The following ZNF516 variants were observed in gnomAD, a reference collection of about 807,000 sequenced individuals.
The protein encoded by ZNF516 is zinc finger protein 516.
ZNF516 carries 19 observed loss-of-function variants against 79.7 expected under a neutral mutation model. The observed-to-expected ratio is 0.24, with a 90% CI of 0.17 to 0.35. The LOEUF (loss-of-function observed/expected upper bound fraction) is 0.35, where lower values mean the gene tolerates loss of function less well. ZNF516 is among the 10% of genes least tolerant of loss of function. ZNF516 has a pLI of 1.00. For missense variants in ZNF516, 1,678 were observed against 1,679.5 expected, an observed-to-expected ratio of 1.00 and a Z score of 0.02; for synonymous variants, 877 against 739.5, an observed-to-expected ratio of 1.19 and a Z score of -3.02.
At chr18:76,475,111 C>A (rs1171189065) in intron 1 of ZNF516, among the ~76,000 whole-genome samples, 3 of 152,062 alleles carry the variant, frequency 2.0e-5, no homozygotes, top group African/African-American at 7.2e-5. Context: ...ACGGAAGATA[C>A]AAAACAAGTT....
At chr18:76,481,989 T>C (rs1176752188) in intron 1 of ZNF516, among the ~76,000 whole-genome samples, 2 of 152,212 alleles carry the variant, frequency 1.3e-5, no homozygotes, top group Admixed American at 6.5e-5. Flanking sequence ...AAAGCTACAA[T>C]AGCTTTTGCC....
rs762747596 is a variant in ZNF516 at position 76,379,898 on chromosome 18, G to A, written c.2216C>T (p.Ser739Leu). 24 of 1,613,922 alleles carry A rather than the reference G, an allele frequency of 1.5e-5. No individual in the cohort carries two copies. The highest frequency in any genetic ancestry group is 8.9e-5 in the East Asian group (4 of 44,860). The change falls in exon 4 of 7, where the codon TCG becomes TTG. Residue 739 changes from serine (S) to leucine (L), a missense_variant. Physicochemically the swap from Ser to Leu is moderately radical, Grantham distance 145. Transcript: ENST00000443185. ...DLMPLDLSAR[S>L]TRDDPSNKET... ...CTTATTGCTGGGGTCATCCCGCGTC[G>A]ACCTCGCACTTAAATCTAGCGGCAT...
At chr18:76,404,169 A>AG (rs2075269238) in intron 3 of ZNF516, among the ~76,000 whole-genome samples, 1 of 152,240 alleles carries the variant, frequency 6.6e-6, no homozygotes. Context: ...CCCTGGGCAA[A>AG]GGGAAGACCC....
At chr18:76,495,930 C>T (rs1915464808), upstream of ZNF516, 3 of 321,992 alleles carry the variant, frequency 9.3e-6, no homozygotes, top group Admixed American at 5.1e-5. Flanking sequence ...CTTCAAACAG[C>T]GGCTCTGCCA....
chr18:76,365,453 TC>T (rs748749057), intron 6 of ZNF516, among the ~76,000 whole-genome samples: 48 of 152,214 alleles, frequency 3.2e-4, no homozygotes, highest in Non-Finnish European at 6.5e-4. Flanking sequence ...TAAAGAAACT[TC>T]CTAGTTTTTC....
chr18:76,448,938 G>T (rs1036707975), intron 2 of ZNF516, among the ~76,000 whole-genome samples: 4 of 152,128 alleles, frequency 2.6e-5, no homozygotes, highest in African/African-American at 7.2e-5. Flanking sequence ...GCAAGGATTG[G>T]CCAGGTTTTC....
rs1911941251 is a variant in ZNF516 at position 76,444,787 on chromosome 18, A to C, written c.-157-1576T>G. The stretch of plus-strand genomic sequence containing the variant: ...TCTGAGCATTTTGTATTAATACTTC[A>C]ACTCCCGAGGGCCCAGATAACAGCA... On this transcript the variant is annotated intron_variant, in intron 2 of 6. Coordinates refer to ENST00000443185, the MANE Select transcript of ZNF516 (RefSeq NM_014643.4). 4.6e-5 allele frequency among the ~76,000 whole-genome samples: 7 copies of C among 152,288 alleles called. No individual in the cohort carries two copies. The South Asian group carries it at 1.4e-3, about 32-fold the overall frequency.
intron 3 of ZNF516, among the ~76,000 whole-genome samples, chr18:76,395,046 A>G (rs968472112): frequency 1.3e-5 from 2 of 152,216 alleles, no homozygotes; most frequent in East Asian, 3.8e-4. Context: ...ATGAGTGAGC[A>G]TTTGGTCATC....
chr18:76,496,333 AT>A, upstream of ZNF516: 5 of 1,289,580 alleles, frequency 3.9e-6, no homozygotes, highest in Non-Finnish European at 5.1e-6. Flanking sequence ...GTGGAGGTGG[AT>A]TCCGTCCAAG....
intron 3 of ZNF516, among the ~76,000 whole-genome samples, chr18:76,422,856 C>T (rs973995006): frequency 4.6e-5 from 7 of 152,184 alleles, no homozygotes; most frequent in Non-Finnish European, 7.3e-5. Context: ...ATAAGAAAAA[C>T]CACCTAAATT....
intron 2 of ZNF516, among the ~76,000 whole-genome samples, chr18:76,450,811 A>G (rs138812289): frequency 5.9e-5 from 9 of 152,322 alleles, no homozygotes; most frequent in African/African-American, 1.7e-4. Flanking sequence ...TTTTAAAATA[A>G]TAACTATGTC....
chr18:76,488,057 A>AC lies in ZNF516; in HGVS notation c.-272+7086dup, dbSNP rs1364072996. On this transcript the variant is annotated intron_variant, in intron 1 of 6. Coordinates refer to ENST00000443185, the MANE Select transcript of ZNF516 (RefSeq NM_014643.4). The stretch of plus-strand genomic sequence containing the variant: ...AAACAGAGGCTTGTCCACAGCCCCC[A>AC]CCTCCATCTGCCTCCGAGAACCTCC... 6.1e-6 allele frequency: 6 copies of AC among 985,016 alleles called. No individual in the cohort carries two copies. The African/African-American group carries it at 8.8e-5, about 14-fold the overall frequency. 61.0% of individuals were successfully genotyped at this position (985,016 alleles called of 1,614,324 possible). A position where few individuals can be genotyped will look rare whatever the true frequency, so the allele number is the denominator to read the frequency against.
chr18:76,492,136 T>C, intron 1 of ZNF516: 1 of 984,888 alleles, frequency 1.0e-6, no homozygotes, highest in Non-Finnish European at 1.2e-6. Context: ...CGTGGGTCCT[T>C]AACCTCTCCA....
At chr18:76,466,199 A>G (rs1913454442) in intron 1 of ZNF516, among the ~76,000 whole-genome samples, 1 of 152,090 alleles carries the variant, frequency 6.6e-6, no homozygotes, top group Non-Finnish European at 1.5e-5. Context: ...TACGACACTA[A>G]TTACTGGGTT....
rs770298086 is a variant in ZNF516 at position 76,380,056 on chromosome 18, G to A, written c.2058C>T (p.Val686=). The change falls in exon 4 of 7, where the codon GTC becomes GTT. Residue 686 remains valine, a synonymous_variant. Coordinates refer to ENST00000443185, the MANE Select transcript of ZNF516 (RefSeq NM_014643.4). ...PAFHPKQEVP[V]PGDGVEFPSS... is the part of the protein sequence containing the mutation. Reference sequence around the variant, plus strand: ...AAGGGAACTCCACACCATCACCAGGGACGGGCACCTCCTGCTTGGGGTGAA... The same window carrying A: ...AAGGGAACTCCACACCATCACCAGGAACGGGCACCTCCTGCTTGGGGTGAA... The A allele has an allele frequency of 1.9e-6, 3 of 1,613,860 alleles. No individual in the cohort carries two copies. The highest frequency in any genetic ancestry group is 1.3e-5 in the African/African-American group (1 of 74,900).
At chr18:76,366,294 A>G (rs1354437235) in intron 6 of ZNF516, among the ~76,000 whole-genome samples, 1 of 152,344 alleles carries the variant, frequency 6.6e-6, no homozygotes, top group African/African-American at 2.4e-5. Context: ...TTTCCAGTAT[A>G]GAATATTCAA....
intron 1 of ZNF516, among the ~76,000 whole-genome samples, chr18:76,478,179 G>C (rs1162960346): frequency 6.6e-6 from 1 of 152,160 alleles, no homozygotes; most frequent in Non-Finnish European, 1.5e-5. Context: ...TTCATAAAGA[G>C]AGTGACAAAT....
At position 76,362,076 on chromosome 18, in the gene ZNF516, CCT is replaced by C. The variant is rs1430844465; in HGVS notation, c.*420_*421del. On this transcript the variant is annotated 3_prime_UTR_variant, in exon 7 of 7. Transcript: ENST00000443185. ...ACAGTCCCTCTTAACATGGGAGGCCCCTGTGACAGTGCTCAGCCTCGCCACTC... is the reference window on the plus strand; with the variant it reads ...ACAGTCCCTCTTAACATGGGAGGCCCGTGACAGTGCTCAGCCTCGCCACTC... 17 of 160,366 alleles carry C rather than the reference CCT, an allele frequency of 1.1e-4. No individual in the cohort carries two copies. The highest frequency in any genetic ancestry group is 4.9e-4 in the Admixed American group (8 of 16,360). The allele number at this position is 160,366 out of a possible 1,614,324, so 9.9% of individuals were successfully genotyped here. A position where few individuals can be genotyped will look rare whatever the true frequency, so the allele number is the denominator to read the frequency against.
chr18:76,419,456 G>A (rs915204006), intron 3 of ZNF516, among the ~76,000 whole-genome samples: 19 of 152,114 alleles, frequency 1.2e-4, no homozygotes, highest in Admixed American at 2.0e-4. Context: ...TAAATTGCAC[G>A]TAATATAACA....
Sources: gnomAD v4.1 joint callset for allele counts (sites outside exome capture counted in the v4.1 genomes callset) on GRCh38, gnomAD v4.1.1 for gene constraint, MANE v1.5 for transcripts, NCBI Gene and HGNC (gene_info 2026-07-23, HGNC 2026-07-21) for gene names.